TMEM132C: variants seen among roughly 807,000 people sequenced by gnomAD.
TMEM132C encodes transmembrane protein 132C, also known as protein phosphatase 1, regulatory subunit 152.
A neutral mutation model predicts 61.4 loss-of-function variants in TMEM132C; 29 were observed. The ratio of observed to expected loss-of-function variants is 0.47; its 90% CI spans 0.35 to 0.64. The LOEUF (loss-of-function observed/expected upper bound fraction) is 0.64, where lower values mean the gene tolerates loss of function less well. TMEM132C is among the 30% of genes least tolerant of loss of function. TMEM132C has a pLI of 0.00. For missense variants in TMEM132C, 1,408 were observed against 1,476.9 expected (o/e 0.95, Z 0.76); for synonymous variants, 656 against 633.1 (o/e 1.04, Z -0.54).
At chr12:128,572,127 G>C (rs116026432) in intron 3 of TMEM132C, among the ~76,000 whole-genome samples, 4,101 of 152,016 alleles carry the variant, frequency 0.027, 143 homozygotes, top group African/African-American at 0.081. Context: ...GGTTAGCTAG[G>C]CCTGTGTCAC....
At chr12:128,322,004 G>T (rs1872350590) in intron 1 of TMEM132C, among the ~76,000 whole-genome samples, 1 of 152,166 alleles carries the variant, frequency 6.6e-6, no homozygotes, top group African/African-American at 2.4e-5. Context: ...TGACCATAGT[G>T]ATATTACCAG....
chr12:128,425,487 G>A (rs1869148944), intron 2 of TMEM132C, among the ~76,000 whole-genome samples: 2 of 152,210 alleles, frequency 1.3e-5, no homozygotes, highest in African/African-American at 2.4e-5. Context: ...GCGCAGTTTG[G>A]GGGACTTGAC....
chr12:128,670,664 C>T (rs1429587718), intron 5 of TMEM132C, among the ~76,000 whole-genome samples: 1 of 152,174 alleles, frequency 6.6e-6, no homozygotes, highest in Non-Finnish European at 1.5e-5. Context: ...ATTCTCTTTA[C>T]CCACTCATCC....
At chr12:128,343,647 G>A (rs900949131) in intron 1 of TMEM132C, among the ~76,000 whole-genome samples, 3 of 151,586 alleles carry the variant, frequency 2.0e-5, no homozygotes, top group Admixed American at 6.6e-5. Flanking sequence ...TAAAGTCTAC[G>A]AGCCAATGAC....
intron 2 of TMEM132C, among the ~76,000 whole-genome samples, chr12:128,456,380 T>C (rs1870345104): frequency 8.1e-5 from 2 of 24,724 alleles, no homozygotes; most frequent in South Asian, 1.3e-3. Flanking sequence ...TTTTTTTTTT[T>C]TTTTTTTTTT....
Position 128,378,215 on chromosome 12 carries a change from C to T in TMEM132C, c.86-36517C>T, listed in dbSNP as rs527741798. 5.2e-3 allele frequency among the ~76,000 whole-genome samples: 785 copies of T among 152,002 alleles called. 7 individuals are homozygous for T. Among genetic ancestry groups the T allele is most frequent in the African/African-American group, 0.018 (737 of 41,452 alleles). Reference sequence around the variant, plus strand: ...CTGCAAGCTCCGCCTCCCCGGTTCACGCCATTCTCCTGCCTTAGCCTCCCG... The same window carrying T: ...CTGCAAGCTCCGCCTCCCCGGTTCATGCCATTCTCCTGCCTTAGCCTCCCG... On this transcript the variant is annotated intron_variant, in intron 1 of 8. Transcript: ENST00000435159.
intron 1 of TMEM132C, among the ~76,000 whole-genome samples, chr12:128,323,295 G>A (rs1872395777): frequency 6.6e-6 from 1 of 152,216 alleles, no homozygotes; most frequent in Admixed American, 6.5e-5. Context: ...GGGGGACGTG[G>A]AAGACAAAGT....
intron 3 of TMEM132C, among the ~76,000 whole-genome samples, chr12:128,590,592 C>A (rs762680326): frequency 9.9e-5 from 15 of 152,110 alleles, no homozygotes; most frequent in Admixed American, 2.0e-4. Context: ...AGAACAGCAC[C>A]TCAGTCTTGG....
At chr12:128,557,088 T>C (rs931712827) in intron 3 of TMEM132C, among the ~76,000 whole-genome samples, 1 of 152,222 alleles carries the variant, frequency 6.6e-6, no homozygotes, top group East Asian at 1.9e-4. Context: ...CTCTTCTTTA[T>C]GGTTCTAAAT....
At chr12:128,270,638 C>G (rs1870477803) in intron 1 of TMEM132C, among the ~76,000 whole-genome samples, 2 of 152,212 alleles carry the variant, frequency 1.3e-5, no homozygotes, top group Admixed American at 1.3e-4. Flanking sequence ...CACCCGCATT[C>G]GTGCTGCCAC....
chr12:128,460,983 G>A (rs2136069000), intron 2 of TMEM132C, among the ~76,000 whole-genome samples: 1 of 152,246 alleles, frequency 6.6e-6, no homozygotes, highest in South Asian at 2.1e-4. Context: ...GAGGATGCGT[G>A]TTCATCAAAA....
At chr12:128,577,003 A>G (rs1167736233) in intron 3 of TMEM132C, among the ~76,000 whole-genome samples, 2 of 152,176 alleles carry the variant, frequency 1.3e-5, no homozygotes, top group Non-Finnish European at 2.9e-5. Context: ...ATACTTCTGC[A>G]ACCATCACCA....
At chr12:128,685,746 A>C (rs540434139) in intron 5 of TMEM132C, among the ~76,000 whole-genome samples, 1 of 134,562 alleles carries the variant, frequency 7.4e-6, no homozygotes, top group African/African-American at 2.8e-5. Flanking sequence ...GCAGACCTCT[A>C]GGGGTGACTG....
rs1480463755 is a variant in TMEM132C, at chr12:128,630,899, G to C, written c.1305+14564G>C. ...ATACAAAAATTAGTCGGGCATGGTGGTATGTGCCTGTATTCCCAGCTACTC... is the reference window on the plus strand; with the variant it reads ...ATACAAAAATTAGTCGGGCATGGTGCTATGTGCCTGTATTCCCAGCTACTC... On this transcript the variant is annotated intron_variant, in intron 4 of 8. Transcript: ENST00000435159. The surrounding 1 kb of genome is among the most constrained non-coding windows in gnomAD (Gnocchi z 4.3). Among the ~76,000 whole-genome samples, 1 of 152,142 alleles carries C rather than the reference G, an allele frequency of 6.6e-6. No homozygotes were observed. Among genetic ancestry groups the C allele is most frequent in the East Asian group, 1.9e-4 (1 of 5,188 alleles).
At chr12:128,355,264 G>C (rs1873467322) in intron 1 of TMEM132C, among the ~76,000 whole-genome samples, 1 of 152,132 alleles carries the variant, frequency 6.6e-6, no homozygotes, top group African/African-American at 2.4e-5. Context: ...AGACCATGGA[G>C]GGATCTTCAG....
intron 2 of TMEM132C, among the ~76,000 whole-genome samples, chr12:128,422,709 G>T (rs998403159): frequency 6.6e-6 from 1 of 152,172 alleles, no homozygotes; most frequent in African/African-American, 2.4e-5. Flanking sequence ...AGCGTTTGGG[G>T]CCAGCTAATT....
intron 4 of TMEM132C, among the ~76,000 whole-genome samples, chr12:128,656,798 C>A (rs1415728824): frequency 6.6e-6 from 1 of 152,208 alleles, no homozygotes; most frequent in African/African-American, 2.4e-5. Flanking sequence ...CTCCTCCCAA[C>A]CCACCTCCCA....
At chr12:128,666,963 G>A (rs1317472122) in intron 4 of TMEM132C, among the ~76,000 whole-genome samples, 3 of 152,174 alleles carry the variant, frequency 2.0e-5, no homozygotes, top group African/African-American at 7.2e-5. Context: ...CCCGCTACTC[G>A]GGAGGCTGAG....
At chr12:128,550,312 T>A (rs567876935) in intron 3 of TMEM132C, among the ~76,000 whole-genome samples, 7 of 151,804 alleles carry the variant, frequency 4.6e-5, no homozygotes. Context: ...TTGTCTTTTT[T>A]TTTTTTTCGA....
Sources: allele counts gnomAD v4.1 joint callset (sites outside exome capture counted in the v4.1 genomes callset), GRCh38; gene constraint gnomAD v4.1.1; non-coding constraint Gnocchi (gnomAD v3.1); transcripts MANE v1.5; gene names NCBI Gene and HGNC (gene_info 2026-07-23, HGNC 2026-07-21).